The following DNAAF4 variants were observed in gnomAD, a reference collection of about 807,000 sequenced individuals.
DNAAF4 encodes the protein dynein assembly factor 4, axonemal.
Under a neutral mutation model 51.8 loss-of-function variants are expected in DNAAF4, and 43 were observed. That is an observed-to-expected ratio of 0.83 (90% CI 0.65 to 1.07). The LOEUF (loss-of-function observed/expected upper bound fraction) is 1.07. Among genes scored for constraint, DNAAF4 ranks in the 50% least tolerant of loss-of-function variants. The pLI, the probability that DNAAF4 is intolerant of heterozygous loss-of-function variation, is 0.00. For synonymous variants in DNAAF4, 194 were observed against 165.6 expected, an observed-to-expected ratio of 1.17 and a Z score of -1.32; for missense variants, 581 against 493.0, an observed-to-expected ratio of 1.18 and a Z score of -1.69.
intron 4 of DNAAF4, among the ~76,000 whole-genome samples, chr15:55,483,115 G>A (rs902798176): frequency 6.6e-6 from 1 of 151,638 alleles, no homozygotes; most frequent in African/African-American, 2.4e-5. Context: ...TATTTATTTT[G>A]AGACAGAGTT....
rs139461547 is a variant in DNAAF4, at chr15:55,454,126, C to A, written c.638-3759G>T. Among the ~76,000 whole-genome samples, 1,433 of 151,570 alleles carry A rather than the reference C, an allele frequency of 9.5e-3. 19 individuals are homozygous for A. Among genetic ancestry groups the A allele is most frequent in the African/African-American group, 0.032 (1,342 of 41,394 alleles). The stretch of plus-strand genomic sequence containing the variant: ...GATCAGCGTGGCCAATATGGTGAAA[C>A]CCCGTGTCTTCTAAAAATACAAAAA... On this transcript the variant is annotated intron_variant, in intron 5 of 9. Transcript: ENST00000321149.
intron 5 of DNAAF4, among the ~76,000 whole-genome samples, chr15:55,454,374 G>GTTTGTT (rs1008726830): frequency 6.6e-6 from 1 of 151,778 alleles, no homozygotes; most frequent in South Asian, 2.1e-4. Flanking sequence ...TGTAATATTT[G>GTTTGTT]TTTGTTTTTG....
intron 6 of DNAAF4, among the ~76,000 whole-genome samples, chr15:55,447,455 G>C (rs900606942): frequency 1.3e-5 from 2 of 151,938 alleles, no homozygotes; most frequent in Admixed American, 6.6e-5. Context: ...AGCGAGCCGA[G>C]ATCATGCCAC....
At chr15:55,472,893 T>C (rs1267320832) in intron 4 of DNAAF4, among the ~76,000 whole-genome samples, 3 of 151,942 alleles carry the variant, frequency 2.0e-5, no homozygotes, top group South Asian at 2.1e-4. Flanking sequence ...CAGCCCGGCA[T>C]GGAGGCTCAC....
In DNAAF4 at chr15:55,497,845, T is replaced by C; in HGVS notation, c.138A>G (p.Pro46=). 1 of 1,609,958 alleles carries C rather than the reference T, an allele frequency of 6.2e-7. No individual in the cohort carries two copies. The change falls in exon 3 of 10, where the codon CCA becomes CCG. Residue 46 remains proline (P), a synonymous_variant. Transcript: ENST00000321149. The part of the protein sequence containing the change: ...TENYLKVNFP[P]FLFEAFLYAP... ...CATAAAGAAATGCCTCAAATAAAAA[T>C]GGAGGAAAGTTGACCTATGCAGAAG... is the stretch of plus-strand genomic sequence containing the variant.
chr15:55,489,868 A>G (rs1051047719), intron 4 of DNAAF4, among the ~76,000 whole-genome samples: 1 of 150,952 alleles, frequency 6.6e-6, no homozygotes, highest in African/African-American at 2.4e-5. Flanking sequence ...GGAATTCGAG[A>G]TAAGAAGTTT....
At chr15:55,479,701 C>T (rs901796808) in intron 4 of DNAAF4, among the ~76,000 whole-genome samples, 3 of 151,904 alleles carry the variant, frequency 2.0e-5, no homozygotes, top group African/African-American at 7.3e-5. Context: ...ATATTAATAC[C>T]CTGGGAAAGG....
chr15:55,482,970 C>A (rs1303982101), intron 4 of DNAAF4, among the ~76,000 whole-genome samples: 1 of 152,184 alleles, frequency 6.6e-6, no homozygotes, highest in East Asian at 1.9e-4. Flanking sequence ...AGACCACACA[C>A]TGTATGTGAA....
At chr15:55,434,509 C>A (rs1485722438) in intron 8 of DNAAF4, among the ~76,000 whole-genome samples, 1 of 152,068 alleles carries the variant, frequency 6.6e-6, no homozygotes, top group African/African-American at 2.4e-5. Flanking sequence ...TACTAAGTTA[C>A]CCTGCAAATG....
chr15:55,444,111 C>G (rs993498173), intron 6 of DNAAF4, among the ~76,000 whole-genome samples: 72 of 152,028 alleles, frequency 4.7e-4, no homozygotes, highest in Non-Finnish European at 8.7e-4. Flanking sequence ...GACATGAAGT[C>G]CTTGCCCATG....
intron 4 of DNAAF4, among the ~76,000 whole-genome samples, chr15:55,470,331 C>T (rs1389244745): frequency 2.6e-5 from 4 of 151,882 alleles, no homozygotes; most frequent in Non-Finnish European, 5.9e-5. Context: ...GGATTACAGG[C>T]GTGAGCCACC....
chr15:55,506,133 A>G (rs191011502), intron 1 of DNAAF4, among the ~76,000 whole-genome samples: 1 of 152,324 alleles, frequency 6.6e-6, no homozygotes, highest in African/African-American at 2.4e-5. Context: ...CCAAGCTGTG[A>G]GTGCCAGGTC....
At chr15:55,433,254 C>T (rs908467595) in intron 8 of DNAAF4, among the ~76,000 whole-genome samples, 1 of 151,886 alleles carries the variant, frequency 6.6e-6, no homozygotes, top group Non-Finnish European at 1.5e-5. Flanking sequence ...AAGCCAAGAA[C>T]GCACCACTGC....
chr15:55,435,852 G>GT (rs1312993855), intron 7 of DNAAF4, among the ~76,000 whole-genome samples: 1 of 152,086 alleles, frequency 6.6e-6, no homozygotes, highest in Non-Finnish European at 1.5e-5. Flanking sequence ...GCAATGGTGC[G>GT]ATCTTGGCTC....
intron 4 of DNAAF4, chr15:55,490,912 G>A (rs183465816): frequency 2.0e-5 from 9 of 446,790 alleles, no homozygotes; most frequent in South Asian, 1.4e-4. Context: ...CCAGATCACC[G>A]CACTGCACTC....
At chr15:55,452,244 T>TAAAAAAAAAAAAAAAAA (rs57692277) in intron 5 of DNAAF4, among the ~76,000 whole-genome samples, 3 of 53,618 alleles carry the variant, frequency 5.6e-5, no homozygotes, top group African/African-American at 2.4e-4. Context: ...CATGTCTCAC[T>TAAAAAAAAAAAAAAAAA]AAAAAAAAAA....
intron 4 of DNAAF4, among the ~76,000 whole-genome samples, chr15:55,476,751 A>AT (rs930650928): frequency 5.1e-4 from 78 of 151,566 alleles, no homozygotes; most frequent in Admixed American, 1.5e-3. Context: ...AAAATAAGTC[A>AT]TTTTTTTTTA....
At chr15:55,450,188 T>C (rs1567011682) in intron 6 of DNAAF4, 34 bp downstream of exon 6, 3 of 1,548,302 alleles carry the variant, frequency 1.9e-6, no homozygotes, top group South Asian at 1.2e-5. Context: ...GTATTTTCAT[T>C]TGTGGTAATT....
At chr15:55,462,160 A>T (rs765907678) in intron 5 of DNAAF4, among the ~76,000 whole-genome samples, 281 of 152,246 alleles carry the variant, frequency 1.8e-3, no homozygotes, top group Non-Finnish European at 1.3e-3. Context: ...AAAATGGCCA[A>T]CTAAAAAAAG....
Sources: allele counts gnomAD v4.1 joint callset (sites outside exome capture counted in the v4.1 genomes callset), GRCh38; gene constraint gnomAD v4.1.1; transcripts MANE v1.5; gene names NCBI Gene and HGNC (gene_info 2026-07-23, HGNC 2026-07-21).